The following DPP10 variants were observed in gnomAD, a reference collection of about 807,000 sequenced individuals.
DPP10 encodes the protein inactive dipeptidyl peptidase 10.
In DPP10, 33 loss-of-function variants were observed where a neutral mutation model predicts 120.9. The ratio of observed to expected loss-of-function variants is 0.27; its 90% CI spans 0.21 to 0.37. DPP10 has a LOEUF of 0.37. DPP10 is among the 10% of genes least tolerant of loss of function. The pLI is 1.00. For synonymous variants in DPP10, 337 were observed against 326.1 expected (o/e 1.03, Z -0.36); for missense variants, 816 against 942.8 (o/e 0.87, Z 1.76).
intron 3 of DPP10, among the ~76,000 whole-genome samples, chr2:115,435,300 C>A (rs1011312153): frequency 6.6e-6 from 1 of 151,696 alleles, no homozygotes; most frequent in Admixed American, 6.6e-5. Flanking sequence ...TTTACATTCC[C>A]ACCAACAGTG....
intron 1 of DPP10, among the ~76,000 whole-genome samples, chr2:114,785,723 G>C (rs992205814): frequency 6.6e-6 from 1 of 152,148 alleles, no homozygotes; most frequent in Non-Finnish European, 1.5e-5. Flanking sequence ...CCTGGAAACA[G>C]ACAGTCTAAG....
intron 5 of DPP10, among the ~76,000 whole-genome samples, chr2:115,583,494 T>A (rs966328851): frequency 2.7e-4 from 41 of 152,300 alleles, no homozygotes; most frequent in African/African-American, 9.6e-4. Context: ...CTGGATGAGA[T>A]GGCTGGGAGC....
intron 1 of DPP10, among the ~76,000 whole-genome samples, chr2:115,093,236 T>C (rs1457234696): frequency 1.3e-5 from 2 of 152,166 alleles, no homozygotes; most frequent in Admixed American, 1.3e-4. Flanking sequence ...ATATGTAATA[T>C]GAGTGCTCCT....
intron 1 of DPP10, among the ~76,000 whole-genome samples, chr2:115,031,087 T>C (rs1261753753): frequency 6.6e-6 from 1 of 152,176 alleles, no homozygotes; most frequent in East Asian, 1.9e-4. Flanking sequence ...CATTTTTTTC[T>C]TGAGAGCTGT....
chr2:115,660,272 T>C (rs2088809029), intron 5 of DPP10, among the ~76,000 whole-genome samples: 1 of 152,204 alleles, frequency 6.6e-6, no homozygotes, highest in South Asian at 2.1e-4. Context: ...CTGTTTCACC[T>C]GCTCAATGTT....
At chr2:115,542,348 G>C (rs1265086183) in intron 5 of DPP10, among the ~76,000 whole-genome samples, 4 of 151,804 alleles carry the variant, frequency 2.6e-5, no homozygotes, top group Non-Finnish European at 5.9e-5. Context: ...TTTTGAAATT[G>C]GCTTATTTTA....
chr2:115,295,031 G>A (rs1418726515), intron 1 of DPP10, among the ~76,000 whole-genome samples: 3 of 151,932 alleles, frequency 2.0e-5, no homozygotes, highest in East Asian at 1.9e-4. Flanking sequence ...ACCCATAATC[G>A]AATGATTCAC....
chr2:115,558,298 A>G (rs1268453353), intron 5 of DPP10, among the ~76,000 whole-genome samples: 1 of 152,194 alleles, frequency 6.6e-6, no homozygotes, highest in Non-Finnish European at 1.5e-5. Flanking sequence ...ATGAAATAGA[A>G]GATCTGCACA....
intron 1 of DPP10, among the ~76,000 whole-genome samples, chr2:115,283,866 G>GTA (rs2060259334): frequency 6.6e-6 from 1 of 151,980 alleles, no homozygotes; most frequent in African/African-American, 2.4e-5. Context: ...ACTGCCTGTA[G>GTA]TATTTAGTAC....
chr2:115,679,207 T>A (rs1034343656), intron 5 of DPP10, among the ~76,000 whole-genome samples: 1 of 151,488 alleles, frequency 6.6e-6, no homozygotes, highest in Non-Finnish European at 1.5e-5. Flanking sequence ...GGGGGGTGCA[T>A]GGGTGGAATG....
At chr2:114,809,657 A>G (rs1475654173) in intron 1 of DPP10, among the ~76,000 whole-genome samples, 1 of 152,116 alleles carries the variant, frequency 6.6e-6, no homozygotes, top group East Asian at 1.9e-4. Flanking sequence ...AAGCAACCCA[A>G]TCACCCTGGA....
chr2:115,148,226 C>T (rs770025690), intron 1 of DPP10, among the ~76,000 whole-genome samples: 2 of 152,012 alleles, frequency 1.3e-5, no homozygotes, highest in Non-Finnish European at 2.9e-5. Flanking sequence ...CAGATCAGGA[C>T]CTATTGCTTT....
intron 1 of DPP10, among the ~76,000 whole-genome samples, chr2:114,900,943 A>G (rs1693510296): frequency 6.6e-6 from 1 of 152,244 alleles, no homozygotes; most frequent in Non-Finnish European, 1.5e-5. Context: ...AAATAAACTC[A>G]GACTAACTTA....
At chr2:114,475,314 G>A (rs1680281439) in intron 1 of DPP10, among the ~76,000 whole-genome samples, 1 of 152,050 alleles carries the variant, frequency 6.6e-6, no homozygotes, top group African/African-American at 2.4e-5. Flanking sequence ...AATATTTACC[G>A]ATATCCTACT....
chr2:114,498,223 C>G (rs1682849456), intron 1 of DPP10, among the ~76,000 whole-genome samples: 1 of 152,130 alleles, frequency 6.6e-6, no homozygotes, highest in Non-Finnish European at 1.5e-5. Context: ...ACATTGCTGA[C>G]TATAGTCACC....
At chr2:114,578,689 C>T (rs561368037) in intron 1 of DPP10, among the ~76,000 whole-genome samples, 46 of 152,270 alleles carry the variant, frequency 3.0e-4, no homozygotes, top group African/African-American at 9.4e-4. Flanking sequence ...TAAATTGAGA[C>T]GGTGTTCTGG....
chr2:115,389,495 C>T (rs2067182994), intron 3 of DPP10, among the ~76,000 whole-genome samples: 1 of 152,200 alleles, frequency 6.6e-6, no homozygotes, highest in Non-Finnish European at 1.5e-5. Flanking sequence ...CTACCTCTCA[C>T]ATGAGCCTGA....
intron 1 of DPP10, among the ~76,000 whole-genome samples, chr2:115,167,272 A>T (rs1038730088): frequency 6.6e-6 from 1 of 151,780 alleles, no homozygotes; most frequent in Non-Finnish European, 1.5e-5. Context: ...AAAAAAAAAA[A>T]AAATCTGGGC....
At chr2:115,239,383 A>G (rs1469830850) in intron 1 of DPP10, among the ~76,000 whole-genome samples, 1 of 152,130 alleles carries the variant, frequency 6.6e-6, no homozygotes, top group Non-Finnish European at 1.5e-5. Flanking sequence ...TAATTTTTGA[A>G]ATTTTCATAG....
Sources: gnomAD v4.1 joint callset for allele counts (sites outside exome capture counted in the v4.1 genomes callset) on GRCh38, gnomAD v4.1.1 for gene constraint, MANE v1.5 for transcripts, NCBI Gene and HGNC (gene_info 2026-07-23, HGNC 2026-07-21) for gene names.